The following SUMF1 variants were observed in gnomAD, a reference collection of about 807,000 sequenced individuals.
The protein encoded by SUMF1 is sulfatase modifying factor 1, also known as formylglycine-generating enzyme.
In SUMF1, 48 loss-of-function variants were observed where a neutral mutation model predicts 47.6. The observed-to-expected ratio is 1.01, with a 90% CI of 0.80 to 1.28. The LOEUF is 1.28. Ranked by LOEUF, SUMF1 falls within the 50% of genes most tolerant of loss-of-function variation. The pLI, the probability that SUMF1 is intolerant of heterozygous loss-of-function variation, is 0.00. For synonymous variants in SUMF1, 230 were observed against 192.1 expected (o/e 1.20, Z -1.63); for missense variants, 571 against 485.4 (o/e 1.18, Z -1.66).
intron 1 of SUMF1, among the ~76,000 whole-genome samples, chr3:4,466,592 A>G (rs555615501): frequency 9.2e-5 from 14 of 152,324 alleles, no homozygotes; most frequent in East Asian, 1.9e-4. Context: ...GAGACTACAG[A>G]TAAGTATACA....
chr3:4,294,158 TAAGTA>T (rs1342192028), intron 8 of SUMF1, among the ~76,000 whole-genome samples: 2 of 152,362 alleles, frequency 1.3e-5, no homozygotes, highest in South Asian at 2.1e-4. Flanking sequence ...GTGTAATGTT[TAAGTA>T]TAGTATCTAG....
chr3:4,185,802 T>C lies in SUMF1; in HGVS notation c.1015-117057A>G, dbSNP rs1387238536. On this transcript the variant is annotated intron_variant and NMD_transcript_variant, in intron 8 of 12. Transcript: ENST00000448413. ...ATGGGTAACTGCAGACACATGTGAA[T>C]TACTGGAATGATAGATAATACTGGC... Among the ~76,000 whole-genome samples the C allele has an allele frequency of 1.3e-5, 2 of 152,194 alleles. 1 individual carries two copies. The highest frequency in any genetic ancestry group is 3.8e-4 in the East Asian group (2 of 5,202).
chr3:4,267,105 T>C (rs1697211404), intron 8 of SUMF1, among the ~76,000 whole-genome samples: 1 of 152,190 alleles, frequency 6.6e-6, no homozygotes, highest in African/African-American at 2.4e-5. Flanking sequence ...AGCTTTTTGA[T>C]GTGCTGCTGG....
rs116543187 is a variant in SUMF1, at chr3:4,290,941, C to T, written c.1014+85389G>A. ...TCAGGAAAAAAAACAACTGTAAATC[C>T]GAACACTTGTAAAACTTTGTTGACC... On this transcript the variant is annotated intron_variant and NMD_transcript_variant, in intron 8 of 12. Transcript: ENST00000448413. 5.1e-3 allele frequency among the ~76,000 whole-genome samples: 782 copies of T among 152,188 alleles called. 5 individuals are homozygous for T. Among genetic ancestry groups the T allele is most frequent in the South Asian group, 8.9e-3 (43 of 4,820 alleles).
chr3:4,409,453 A>G (rs1008462003), intron 7 of SUMF1, among the ~76,000 whole-genome samples: 1 of 152,202 alleles, frequency 6.6e-6, no homozygotes, highest in Non-Finnish European at 1.5e-5. Flanking sequence ...TAGCTCTAAA[A>G]CTGAAAGCTA....
intron 8 of SUMF1, among the ~76,000 whole-genome samples, chr3:4,350,519 G>A (rs912981499): frequency 6.6e-6 from 1 of 152,108 alleles, no homozygotes; most frequent in Non-Finnish European, 1.5e-5. Context: ...GAGAAGACCA[G>A]AAACTCACAG....
At chr3:4,318,542 G>A (rs1698745159) in intron 8 of SUMF1, among the ~76,000 whole-genome samples, 1 of 152,176 alleles carries the variant, frequency 6.6e-6, no homozygotes, top group Non-Finnish European at 1.5e-5. Context: ...ACAAGAAAAT[G>A]ATCTCCAAGC....
At chr3:4,216,160 C>A (rs1695919435) in intron 8 of SUMF1, among the ~76,000 whole-genome samples, 1 of 152,110 alleles carries the variant, frequency 6.6e-6, no homozygotes, top group Admixed American at 6.5e-5. Flanking sequence ...GCTACAGTAA[C>A]AAAAACAGCA....
intron 8 of SUMF1, among the ~76,000 whole-genome samples, chr3:4,296,105 T>A (rs1697844337): frequency 8.6e-6 from 1 of 116,398 alleles, no homozygotes. Flanking sequence ...ATGACCCATA[T>A]GCCTTTGCTT....
intron 8 of SUMF1, among the ~76,000 whole-genome samples, chr3:4,351,895 C>T (rs534987321): frequency 6.6e-6 from 1 of 152,270 alleles, no homozygotes; most frequent in East Asian, 1.9e-4. Flanking sequence ...TTGATTGTAC[C>T]TTTTCTAGAA....
chr3:4,073,926 T>G (rs1391018080), intron 8 of SUMF1, among the ~76,000 whole-genome samples: 1 of 152,138 alleles, frequency 6.6e-6, no homozygotes, highest in Non-Finnish European at 1.5e-5. Context: ...ATTAGACAGA[T>G]CAAGGAGACA....
At chr3:4,040,324 G>T (rs1694886232) in intron 9 of SUMF1, among the ~76,000 whole-genome samples, 1 of 152,028 alleles carries the variant, frequency 6.6e-6, no homozygotes. Context: ...ACTTTTCTAG[G>T]CCTATTGCTA....
Position 4,213,614 on chromosome 3 carries a change from T to A in SUMF1, c.1015-144869A>T, listed in dbSNP as rs528917924. ...AATGCCCCAATTAAAAGGCACAGAC[T>A]GGCAAATTGGATAGAGTCAAGACCC... On this transcript the variant is annotated intron_variant and NMD_transcript_variant, in intron 8 of 12. Coordinates refer to the SUMF1 transcript ENST00000448413. Among the ~76,000 whole-genome samples the A allele has an allele frequency of 2.0e-4, 30 of 152,270 alleles. No individual in the cohort carries two copies. The South Asian group carries it at 6.2e-3, about 32-fold the overall frequency.
chr3:4,467,177 C>T lies in SUMF1; in HGVS notation c.69G>A (p.Leu23=). 6.2e-7 allele frequency: 1 copy of T among 1,609,072 alleles called. No individual in the cohort carries two copies. Among genetic ancestry groups the T allele is most frequent in the Non-Finnish European group, 8.5e-7 (1 of 1,178,372 alleles). ...CPELGLVLLL[L]LLSLLCGAAG... ...CCGCTCCACACAGCAGCGAGAGCAGCAGCAGCAAGAGGACGAGACCCAGCT... is the reference window on the plus strand; with the variant it reads ...CCGCTCCACACAGCAGCGAGAGCAGTAGCAGCAAGAGGACGAGACCCAGCT... The change falls in exon 1 of 9, where the codon CTG becomes CTA. Residue 23 remains leucine (L), a synonymous_variant. Coordinates refer to ENST00000272902, the MANE Select transcript of SUMF1 (RefSeq NM_182760.4).
At chr3:4,313,914 G>T in intron 8 of SUMF1, 1 of 1,359,010 alleles carries the variant, frequency 7.4e-7, no homozygotes, top group East Asian at 2.4e-5. Context: ...TTCTGTAATA[G>T]AATTCTCCAT....
intron 8 of SUMF1, among the ~76,000 whole-genome samples, chr3:4,356,099 C>G (rs1245055185): frequency 1.3e-5 from 2 of 152,152 alleles, no homozygotes; most frequent in African/African-American, 4.8e-5. Context: ...GTTCTGGCCA[C>G]GTGCCAAAGC....
At chr3:4,063,764 C>G (rs574509060) in intron 9 of SUMF1, among the ~76,000 whole-genome samples, 1 of 152,246 alleles carries the variant, frequency 6.6e-6, no homozygotes, top group South Asian at 2.1e-4. Flanking sequence ...TTATATTACT[C>G]AATCAGAAAA....
chr3:4,300,229 C>T (rs879828771), intron 8 of SUMF1, among the ~76,000 whole-genome samples: 6 of 152,150 alleles, frequency 3.9e-5, no homozygotes, highest in Admixed American at 1.3e-4. Context: ...TCTCACTGCT[C>T]CTGCTTTGAC....
At chr3:4,106,361 T>C (rs1002752423) in intron 8 of SUMF1, among the ~76,000 whole-genome samples, 4 of 152,094 alleles carry the variant, frequency 2.6e-5, no homozygotes, top group South Asian at 2.1e-4. Flanking sequence ...AAAATAGCAC[T>C]GTTCACCAGG....
Sources: allele counts gnomAD v4.1 joint callset (sites outside exome capture counted in the v4.1 genomes callset), GRCh38; gene constraint gnomAD v4.1.1; transcripts MANE v1.5; gene names NCBI Gene and HGNC (gene_info 2026-07-23, HGNC 2026-07-21).